LRP5: variants seen among roughly 807,000 people sequenced by gnomAD.
LRP5 encodes the protein LDL receptor related protein 5.
Under a neutral mutation model 154.1 loss-of-function variants are expected in LRP5, and 62 were observed. The ratio of observed to expected loss-of-function variants is 0.40; its 90% CI spans 0.33 to 0.50. LRP5 has a LOEUF of 0.50. Among genes scored for constraint, LRP5 ranks in the 20% least tolerant of loss-of-function variants. The pLI, the probability that LRP5 is intolerant of heterozygous loss-of-function variation, is 0.55. For synonymous variants in LRP5, 966 were observed against 1,011.5 expected, an observed-to-expected ratio of 0.96 and a Z score of 0.85; for missense variants, 1,915 against 2,336.7, an observed-to-expected ratio of 0.82 and a Z score of 3.72.
At chr11:68,302,202 C>T in the LRP5 span, among the ~76,000 whole-genome samples, 1 of 151,818 alleles carries the variant, frequency 6.6e-6, no homozygotes, top group Admixed American at 6.6e-5. Context: ...AAAAAATTAG[C>T]TGGGCGTGGT....
At chr11:68,336,490 CAG>C (rs1183395814) in intron 1 of LRP5, among the ~76,000 whole-genome samples, 5 of 151,948 alleles carry the variant, frequency 3.3e-5, no homozygotes, top group Non-Finnish European at 7.4e-5. Context: ...TTTTTTGAGA[CAG>C]AGTTTTGCTT....
At chr11:68,390,504 G>A (rs114080308) in intron 7 of LRP5, among the ~76,000 whole-genome samples, 2,183 of 152,388 alleles carry the variant, frequency 0.014, 48 homozygotes, top group African/African-American at 0.049. Flanking sequence ...GGCAGCTGCT[G>A]GCCTGAGTTT....
Position 68,438,516 on chromosome 11 carries a change from C to T in LRP5, c.4182C>T (p.Ile1394=), listed in dbSNP as rs755669785. 1 of 1,614,256 alleles carries T rather than the reference C, an allele frequency of 6.2e-7. No homozygotes were observed. Among genetic ancestry groups the T allele is most frequent in the South Asian group, 1.1e-5 (1 of 91,090 alleles). The change falls in exon 20 of 23, where the codon ATC becomes ATT. Residue 1394 remains isoleucine, a synonymous_variant. Transcript: ENST00000294304. ...SSAIGPVIGI[I]LSLFVMGGVY... ...CCATCGGGCCCGTCATTGGCATCATCCTCTCTCTCTTCGTCATGGGTGGTG... is the reference window on the plus strand; with the variant it reads ...CCATCGGGCCCGTCATTGGCATCATTCTCTCTCTCTTCGTCATGGGTGGTG...
In LRP5 at chr11:68,367,781, G is replaced by A. The variant is rs113098847; in HGVS notation, c.1015+2079G>A. Among the ~76,000 whole-genome samples, 11 of 152,250 alleles carry A rather than the reference G, an allele frequency of 7.2e-5. 1 individual carries two copies. Among genetic ancestry groups the A allele is most frequent in the Admixed American group, 2.0e-4 (3 of 15,292 alleles). On this transcript the variant is annotated intron_variant, in intron 5 of 22. Coordinates refer to ENST00000294304, the MANE Select transcript of LRP5 (RefSeq NM_002335.4). ...GGCAAAGGTGTAAAACAGGCAGCTC[G>A]GGCCGGGCGCAGTGGCTCACGCCTG...
Position 68,405,492 on chromosome 11 carries a change from A to G in LRP5, c.1802-1032A>G, listed in dbSNP as rs182289956. Among the ~76,000 whole-genome samples, 9 of 148,806 alleles carry G rather than the reference A, an allele frequency of 6.0e-5. No individual in the cohort carries two copies. The East Asian group carries it at 1.8e-3, about 29-fold the overall frequency. On this transcript the variant is annotated intron_variant, in intron 8 of 22. Transcript: ENST00000294304. ...CTCAAAAAAAAAAAAAAAAAAAAGC[A>G]TTTACTATCCACCATGGAAGGTGAG...
Position 68,386,682 on chromosome 11 carries a change from C to T in LRP5, c.1382C>T (p.Pro461Leu). The T allele has an allele frequency of 6.2e-7, 1 of 1,613,380 alleles. No individual in the cohort carries two copies. Among genetic ancestry groups the T allele is most frequent in the East Asian group, 2.2e-5 (1 of 44,874 alleles). ...KILVSEDLDE[P>L]RAIALHPVMG... ...CTGGTGTCGGAGGACCTGGACGAGCCCCGAGCCATCGCACTGCACCCCGTG... is the reference window on the plus strand; with the variant it reads ...CTGGTGTCGGAGGACCTGGACGAGCTCCGAGCCATCGCACTGCACCCCGTG... Residue 461 changes from proline to leucine, a missense_variant, in exon 6 of 23, where the codon CCC becomes CTC. Coordinates refer to ENST00000294304, the MANE Select transcript of LRP5 (RefSeq NM_002335.4). This position sits in a 1 kb window ranked among gnomAD's most constrained non-coding sequence, Gnocchi z 7.9.
chr11:68,322,127 G>A (rs1291386447), intron 1 of LRP5, among the ~76,000 whole-genome samples: 3 of 152,176 alleles, frequency 2.0e-5, no homozygotes, highest in Admixed American at 6.5e-5. Flanking sequence ...GTCTGGATCC[G>A]GGCGTGGCCG....
At chr11:68,327,144 G>A (rs1360176612) in intron 1 of LRP5, among the ~76,000 whole-genome samples, 2 of 152,240 alleles carry the variant, frequency 1.3e-5, no homozygotes, top group African/African-American at 2.4e-5. Flanking sequence ...GTAGAGGCTT[G>A]TTGACTTACT....
chr11:68,433,616 T>G lies in LRP5; in HGVS notation c.3778T>G (p.Ser1260Ala). The change falls in exon 18 of 23, where the codon TCC (serine) becomes GCC (alanine). Residue 1260 changes from serine (S) to alanine (A), a missense_variant. This residue lies in a region of LRP5 where 1,094 missense variants were observed against 1,210.1 expected (regional missense o/e 0.90). Transcript: ENST00000294304. The stretch of plus-strand genomic sequence containing the variant: ...CCCTCCCCCAGAGCCGCCCACCTGC[T>G]CCCCGGACCAGTTTGCATGTGCCAC... ...LLTCGEPPTC[S>A]PDQFACATGE... is the part of the protein sequence containing the mutation. The G allele has an allele frequency of 6.2e-7, 1 of 1,613,414 alleles. No homozygotes were observed. Among genetic ancestry groups the G allele is most frequent in the Non-Finnish European group, 8.5e-7 (1 of 1,179,974 alleles).
intron 5 of LRP5, among the ~76,000 whole-genome samples, chr11:68,383,804 G>A (rs1368844133): frequency 6.6e-6 from 1 of 152,172 alleles, no homozygotes; most frequent in Non-Finnish European, 1.5e-5. Flanking sequence ...AGGAGGTGGC[G>A]GGAGGAACAG....
chr11:68,365,790 C>A (rs867280894), intron 5 of LRP5, 88 bp downstream of exon 5: 33 of 1,301,926 alleles, frequency 2.5e-5, no homozygotes, highest in Middle Eastern at 2.7e-4. Flanking sequence ...CCAGAAGGAA[C>A]CTCGGCAAAC....
At chr11:68,348,646 G>C (rs548779224) in intron 2 of LRP5, among the ~76,000 whole-genome samples, 6 of 148,438 alleles carry the variant, frequency 4.0e-5, no homozygotes, top group Non-Finnish European at 6.0e-5. Flanking sequence ...CACTCGGTGC[G>C]ACTCTGAAAA....
chr11:68,322,004 C>T (rs1490455603), intron 1 of LRP5, among the ~76,000 whole-genome samples: 3 of 152,204 alleles, frequency 2.0e-5, no homozygotes, highest in African/African-American at 4.8e-5. Flanking sequence ...TGAAGCTTAA[C>T]GTCCTCACTG....
intron 17 of LRP5, 77 bp from the exon 18 acceptor site, chr11:68,433,525 T>G: frequency 7.7e-7 from 1 of 1,306,498 alleles, no homozygotes; most frequent in African/African-American, 1.4e-5. Context: ...AACTTCTGCT[T>G]TGAAGCCCAG....
At chr11:68,357,950 C>T (rs781756331) in intron 3 of LRP5, 103 bp downstream of exon 3, 13 of 1,139,914 alleles carry the variant, frequency 1.1e-5, no homozygotes, top group Non-Finnish European at 1.1e-5. Flanking sequence ...CTCTGAAACT[C>T]TGGGGCCCTG....
intron 15 of LRP5, 78 bp from the exon 16 acceptor site, chr11:68,425,900 C>T: frequency 7.7e-7 from 1 of 1,299,036 alleles, no homozygotes; most frequent in Non-Finnish European, 1.1e-6. Context: ...GTCCTGTCAA[C>T]CTCTGTCCTC....
chr11:68,406,846 CT>C, intron 9 of LRP5, 33 bp downstream of exon 9: 1 of 1,609,148 alleles, frequency 6.2e-7, no homozygotes, highest in Non-Finnish European at 8.5e-7. Flanking sequence ...CACAGGCAGC[CT>C]TTATGGGAAA....
chr11:68,408,362 G>A (rs942515380), intron 9 of LRP5, among the ~76,000 whole-genome samples: 8 of 150,176 alleles, frequency 5.3e-5, no homozygotes, highest in African/African-American at 9.8e-5. Flanking sequence ...GATTACAGGC[G>A]TGAGCCACCA....
chr11:68,390,102 C>T (rs770650710), intron 7 of LRP5, 50 bp downstream of exon 7: 6 of 1,602,628 alleles, frequency 3.7e-6, no homozygotes, highest in African/African-American at 1.3e-5. Flanking sequence ...CCCAGCCACC[C>T]CCTGCAGCCA....
Sources: allele counts gnomAD v4.1 joint callset (sites outside exome capture counted in the v4.1 genomes callset), GRCh38; gene constraint gnomAD v4.1.1; regional missense constraint gnomAD v4.1.1; non-coding constraint Gnocchi (gnomAD v3.1); transcripts MANE v1.5; gene names NCBI Gene and HGNC (gene_info 2026-07-23, HGNC 2026-07-21).